Variants in CAMK4 observed in about 807,000 individuals in gnomAD.
CAMK4 encodes calcium/calmodulin-dependent protein kinase type IV.
CAMK4 carries 22 observed loss-of-function variants against 44.9 expected under a neutral mutation model. The observed-to-expected ratio is 0.49, with a 90% CI of 0.35 to 0.70. CAMK4 has a LOEUF of 0.70. Ranked by LOEUF, CAMK4 falls within the 30% of genes least tolerant of loss-of-function variation. CAMK4 has a pLI of 0.01. For missense variants in CAMK4, 498 were observed against 586.8 expected (o/e 0.85, Z 1.56); for synonymous variants, 218 against 215.4 (o/e 1.01, Z -0.11).
chr5:111,458,714 G>T (rs1370126083), intron 7 of CAMK4, among the ~76,000 whole-genome samples: 1 of 152,132 alleles, frequency 6.6e-6, no homozygotes, highest in Non-Finnish European at 1.5e-5. Context: ...TGTTAGAATG[G>T]AATATATAAG....
intron 1 of CAMK4, among the ~76,000 whole-genome samples, chr5:111,341,544 TAA>T (rs954522967): frequency 6.6e-6 from 1 of 151,024 alleles, no homozygotes; most frequent in Non-Finnish European, 1.5e-5. Context: ...GATCCTTTTT[TAA>T]AAAAAAGTAA....
intron 7 of CAMK4, chr5:111,449,919 A>G (rs1754167575): frequency 6.6e-6 from 1 of 152,280 alleles, no homozygotes; most frequent in African/African-American, 2.4e-5. Context: ...GTGATTATTG[A>G]ATATGTCACA....
chr5:111,276,122 A>G lies in CAMK4; in HGVS notation c.161+51478A>G, dbSNP rs1000619329. On this transcript the variant is annotated intron_variant, in intron 1 of 10. Transcript: ENST00000282356. The stretch of plus-strand genomic sequence containing the variant: ...CTAATGCTTTTATTTAGGTTTGAGA[A>G]ATATTCAGTTATAATTTACTGAAGC... Among the ~76,000 whole-genome samples the G allele has an allele frequency of 1.6e-3, 251 of 152,270 alleles. 4 individuals are homozygous for G. The highest frequency in any genetic ancestry group is 0.016 in the Admixed American group (247 of 15,280).
intron 1 of CAMK4, among the ~76,000 whole-genome samples, chr5:111,242,024 A>G (rs554436571): frequency 6.6e-6 from 1 of 152,304 alleles, no homozygotes; most frequent in Non-Finnish European, 1.5e-5. Context: ...GGAACTTCCC[A>G]CTGGAAGACC....
intron 7 of CAMK4, among the ~76,000 whole-genome samples, chr5:111,461,827 A>AAG (rs1554073688): frequency 6.6e-6 from 1 of 151,476 alleles, no homozygotes; most frequent in East Asian, 1.9e-4. Flanking sequence ...AAAAAAAAAA[A>AAG]AAAAAAAAAT....
chr5:111,231,155 C>A (rs1471913763), intron 1 of CAMK4, among the ~76,000 whole-genome samples: 2 of 152,118 alleles, frequency 1.3e-5, no homozygotes, highest in African/African-American at 4.8e-5. Context: ...AGGATGTGGA[C>A]CCTTCAATAC....
chr5:111,443,257 TATATATATATATATATATATATACAC>T (rs1753891334), intron 5 of CAMK4, among the ~76,000 whole-genome samples: 1 of 41,254 alleles, frequency 2.4e-5, no homozygotes, highest in South Asian at 1.0e-3. Flanking sequence ...TATATATATA[TATATATATATATATATATATATACAC>T]ACACACACAC....
chr5:111,351,966 C>T (rs1306197187), intron 2 of CAMK4, among the ~76,000 whole-genome samples: 2 of 152,048 alleles, frequency 1.3e-5, no homozygotes, highest in Non-Finnish European at 2.9e-5. Context: ...ACTATCTTCT[C>T]ACTGTGAGTT....
chr5:111,428,806 A>C (rs1333326290), intron 5 of CAMK4, among the ~76,000 whole-genome samples: 1 of 152,178 alleles, frequency 6.6e-6, no homozygotes, highest in Non-Finnish European at 1.5e-5. Context: ...ATAACAGAGA[A>C]CTTCCCAAAC....
chr5:111,240,767 T>C (rs968347999), intron 1 of CAMK4, among the ~76,000 whole-genome samples: 1 of 152,168 alleles, frequency 6.6e-6, no homozygotes, highest in Admixed American at 6.5e-5. Flanking sequence ...CCTTTCAAGT[T>C]GTTCTCTGAT....
At chr5:111,230,613 G>C (rs958030456) in intron 1 of CAMK4, among the ~76,000 whole-genome samples, 6 of 150,584 alleles carry the variant, frequency 4.0e-5, no homozygotes, top group African/African-American at 1.2e-4. Context: ...AACTGTTCTG[G>C]AGAACTTGAA....
chr5:111,239,267 T>C (rs986488589), intron 1 of CAMK4, among the ~76,000 whole-genome samples: 4 of 152,192 alleles, frequency 2.6e-5, no homozygotes, highest in Admixed American at 6.5e-5. Flanking sequence ...ATGCTTACGA[T>C]TAATTCGAGG....
intron 1 of CAMK4, among the ~76,000 whole-genome samples, chr5:111,232,283 TA>T (rs1748510748): frequency 6.6e-6 from 1 of 152,030 alleles, no homozygotes; most frequent in African/African-American, 2.4e-5. Context: ...GTAAAATGAA[TA>T]AAACTTATTA....
At chr5:111,332,390 C>G (rs1258212222) in intron 1 of CAMK4, among the ~76,000 whole-genome samples, 1 of 151,316 alleles carries the variant, frequency 6.6e-6, no homozygotes, top group Non-Finnish European at 1.5e-5. Flanking sequence ...TCATCCATGT[C>G]CCTGCAAAGG....
intron 1 of CAMK4, among the ~76,000 whole-genome samples, chr5:111,329,797 AG>A (rs1749077362): frequency 6.6e-6 from 1 of 151,788 alleles, no homozygotes; most frequent in Non-Finnish European, 1.5e-5. Context: ...AATTAAAAAA[AG>A]AAAAATAAAT....
chr5:111,433,609 TG>T (rs1445086843), intron 5 of CAMK4, among the ~76,000 whole-genome samples: 5 of 152,274 alleles, frequency 3.3e-5, no homozygotes, highest in Middle Eastern at 3.4e-3. Context: ...CACCTCTGGA[TG>T]GGGAAGTGGT....
At chr5:111,331,151 C>A (rs1033879310) in intron 1 of CAMK4, among the ~76,000 whole-genome samples, 1 of 151,352 alleles carries the variant, frequency 6.6e-6, no homozygotes, top group African/African-American at 2.4e-5. Flanking sequence ...TCAAAAGACA[C>A]CATTAAGAAC....
intron 1 of CAMK4, among the ~76,000 whole-genome samples, chr5:111,320,888 A>G (rs1013575339): frequency 1.3e-5 from 2 of 152,220 alleles, no homozygotes; most frequent in South Asian, 4.1e-4. Context: ...TCCTGCAGCC[A>G]TAACTATGGG....
At chr5:111,229,830 G>C (rs1733215492) in intron 1 of CAMK4, among the ~76,000 whole-genome samples, 1 of 152,188 alleles carries the variant, frequency 6.6e-6, no homozygotes, top group Non-Finnish European at 1.5e-5. Flanking sequence ...TCAGGAGCAA[G>C]GTGGGATTGC....
Sources: allele counts gnomAD v4.1 joint callset (sites outside exome capture counted in the v4.1 genomes callset), GRCh38; gene constraint gnomAD v4.1.1; transcripts MANE v1.5; gene names NCBI Gene and HGNC (gene_info 2026-07-23, HGNC 2026-07-21).